Variants in IFT27 observed in about 807,000 individuals in gnomAD.
IFT27 encodes intraflagellar transport 27.
Under a neutral mutation model 23.9 loss-of-function variants are expected in IFT27, and 19 were observed. That is an observed-to-expected ratio of 0.79 (90% CI 0.55 to 1.16). The LOEUF (loss-of-function observed/expected upper bound fraction) is 1.16, where lower values mean the gene tolerates loss of function less well. Ranked by LOEUF, IFT27 falls within the 50% of genes most tolerant of loss-of-function variation. The pLI, the probability that IFT27 is intolerant of heterozygous loss-of-function variation, is 0.00. For missense variants in IFT27, 206 were observed against 228.7 expected (o/e 0.90, Z 0.64); for synonymous variants, 91 against 89.1 (o/e 1.02, Z -0.12).
At position 36,762,938 on chromosome 22, in the gene IFT27, A is replaced by G. The variant is rs1429917517; in HGVS notation, c.428T>C (p.Leu143Pro). 2 of 1,594,748 alleles carry G rather than the reference A, an allele frequency of 1.3e-6. No homozygotes were observed. Among genetic ancestry groups the G allele is most frequent in the Admixed American group, 3.4e-5 (2 of 58,740 alleles). Residue 143 changes from leucine to proline, a missense_variant, in exon 6 of 7, where the codon CTG (leucine) becomes CCG (proline). Transcript: ENST00000433985. ...TTCAAAACATTCCAGGCCCTGGCCC[A>G]GCGCCCATGCCCGGGCCTCAGCTGA... is the stretch of plus-strand genomic sequence containing the variant. Reference protein sequence around the residue: ...VDSAEARAWALGQGLECFETS... With the variant: ...VDSAEARAWAPGQGLECFETS...
At chr22:36,766,760 C>T (rs867670808) in intron 3 of IFT27, among the ~76,000 whole-genome samples, 1 of 151,988 alleles carries the variant, frequency 6.6e-6, no homozygotes, top group South Asian at 2.1e-4. Context: ...CAGGGCTGGT[C>T]CCCTAGGAAA....
At chr22:36,772,561 C>T (rs952525938) in intron 1 of IFT27, 1 of 985,158 alleles carries the variant, frequency 1.0e-6, no homozygotes, top group Non-Finnish European at 1.2e-6. Flanking sequence ...TGCCTGGAGG[C>T]ATTTCCCCGC....
chr22:36,758,598 A>G (rs1419943970), intron 6 of IFT27, 189 bp from the exon 7 acceptor site: 2 of 593,680 alleles, frequency 3.4e-6, no homozygotes, highest in South Asian at 4.0e-5. Context: ...CAGGTAACTC[A>G]GAGATGAAGG....
At chr22:36,767,128 T>C (rs1304575920) in intron 3 of IFT27, 178 bp downstream of exon 3, 2 of 513,158 alleles carry the variant, frequency 3.9e-6, no homozygotes, top group Admixed American at 6.4e-5. Flanking sequence ...CTTCCTTCCT[T>C]CCTCCTCCAC....
At chr22:36,770,768 C>G (rs1347777027) in intron 1 of IFT27, among the ~76,000 whole-genome samples, 1 of 152,208 alleles carries the variant, frequency 6.6e-6, no homozygotes, top group Non-Finnish European at 1.5e-5. Context: ...GCTCGGCCCT[C>G]CCTGCTGACC....
At chr22:36,767,400 GC>G (rs1569077261) in intron 2 of IFT27, 35 bp from the exon 3 acceptor site, 1 of 1,587,146 alleles carries the variant, frequency 6.3e-7, no homozygotes, top group Non-Finnish European at 8.6e-7. Context: ...AGCACTGAGG[GC>G]CCCCAAAGGG....
At chr22:36,767,428 G>A (rs1190254272) in intron 2 of IFT27, 63 bp from the exon 3 acceptor site, 18 of 1,445,392 alleles carry the variant, frequency 1.2e-5, no homozygotes, top group Non-Finnish European at 1.7e-5. Context: ...TGTTACAGGA[G>A]GACACACAAG....
rs1178207946 is a variant in IFT27, at chr22:36,776,057, G to C, written c.-350C>G. 6 of 349,458 alleles carry C rather than the reference G, an allele frequency of 1.7e-5. No homozygotes were observed. The highest frequency in any genetic ancestry group is 1.0e-4 in the African/African-American group (5 of 48,614). 21.6% of individuals were successfully genotyped at this position (349,458 alleles called of 1,614,324 possible). On this transcript the variant is annotated 5_prime_UTR_variant, in exon 1 of 7. Transcript: ENST00000433985. The stretch of plus-strand genomic sequence containing the variant: ...CAGAGGGTTCAAGGAAGGACGATCC[G>C]GCTCTCCTCCGATCACAAGTACCGG...
intron 2 of IFT27, 124 bp from the exon 3 acceptor site, chr22:36,767,489 C>T: frequency 1.2e-6 from 1 of 837,336 alleles, no homozygotes; most frequent in Non-Finnish European, 1.9e-6. Flanking sequence ...GTTCTGGACT[C>T]ATTCTTGTGA....
chr22:36,772,617 C>T (rs536312352), intron 1 of IFT27: 2 of 985,456 alleles, frequency 2.0e-6, no homozygotes, highest in Non-Finnish European at 2.4e-6. Context: ...TGTGTTAGAA[C>T]GTATCACACG....
At chr22:36,766,380 A>C in intron 3 of IFT27, 183 bp from the exon 4 acceptor site, 1 of 594,146 alleles carries the variant, frequency 1.7e-6, no homozygotes, top group Non-Finnish European at 3.0e-6. Context: ...AGCGAACTCC[A>C]GAGTCTTAGA....
intron 1 of IFT27, among the ~76,000 whole-genome samples, chr22:36,770,380 C>T (rs1569078541): frequency 6.6e-6 from 1 of 152,114 alleles, no homozygotes; most frequent in Non-Finnish European, 1.5e-5. Context: ...CTCTGCCCCC[C>T]GAGTGTGGGC....
At chr22:36,772,707 G>A in intron 1 of IFT27, 1 of 984,666 alleles carries the variant, frequency 1.0e-6, no homozygotes, top group Non-Finnish European at 1.2e-6. Flanking sequence ...GACGTAGTAG[G>A]TGCTCAGCGA....
chr22:36,771,816 TCCA>T (rs1453488877), intron 1 of IFT27, among the ~76,000 whole-genome samples: 1 of 152,208 alleles, frequency 6.6e-6, no homozygotes, highest in Non-Finnish European at 1.5e-5. Context: ...CCGGCTGTTA[TCCA>T]CCCAGTGGGT....
intron 5 of IFT27, 102 bp downstream of exon 5, chr22:36,763,817 C>T (rs1413889578): frequency 2.3e-6 from 2 of 876,012 alleles, no homozygotes; most frequent in South Asian, 2.7e-5. Flanking sequence ...AGTCCAAGCC[C>T]AGGGCCCCTT....
rs138610291 is a variant in IFT27, at chr22:36,771,047, GGTGT to G, written c.35-3189_35-3186del. 3.4e-3 allele frequency among the ~76,000 whole-genome samples: 517 copies of G among 150,948 alleles called. 5 individuals are homozygous for G. The highest frequency in any genetic ancestry group is 0.012 in the African/African-American group (496 of 41,220). ...CAGCACTAACTGCTTCCTGTCTTGG[GGTGT>G]GTGTGTGTGTGTGTGTTTCCCTACT... On this transcript the variant is annotated intron_variant, in intron 1 of 6. Coordinates refer to ENST00000433985, the MANE Select transcript of IFT27 (RefSeq NM_001177701.3).
chr22:36,764,128 T>C (rs1039740243), intron 4 of IFT27, 92 bp from the exon 5 acceptor site: 17 of 856,424 alleles, frequency 2.0e-5, no homozygotes, highest in South Asian at 1.8e-4. Context: ...GGAAAGGGTA[T>C]GGGGAGCAGA....
intron 1 of IFT27, 37 bp from the exon 2 acceptor site, chr22:36,767,899 T>C: frequency 6.4e-7 from 1 of 1,551,432 alleles, no homozygotes; most frequent in Non-Finnish European, 8.9e-7. Context: ...AACGCCTTAG[T>C]TCTCATCTGA....
chr22:36,768,624 C>A (rs547892068), intron 1 of IFT27: 3 of 155,208 alleles, frequency 1.9e-5, no homozygotes, highest in African/African-American at 7.2e-5. Context: ...CAGTCTGAGA[C>A]CTGAGCCTTT....
Sources: gnomAD v4.1 joint callset for allele counts (sites outside exome capture counted in the v4.1 genomes callset) on GRCh38, gnomAD v4.1.1 for gene constraint, MANE v1.5 for transcripts, NCBI Gene and HGNC (gene_info 2026-07-23, HGNC 2026-07-21) for gene names.